BABAM1: variants seen among roughly 807,000 people sequenced by gnomAD.
BABAM1 encodes BRISC and BRCA1 A complex member 1.
In BABAM1, 14 loss-of-function variants were observed where a neutral mutation model predicts 34.4. The ratio of observed to expected loss-of-function variants is 0.41; its 90% CI spans 0.27 to 0.64. The LOEUF (loss-of-function observed/expected upper bound fraction) is 0.64, where lower values mean the gene tolerates loss of function less well. Among genes scored for constraint, BABAM1 ranks in the 30% least tolerant of loss-of-function variants. The pLI is 0.34. For missense variants in BABAM1, 393 were observed against 434.0 expected, an observed-to-expected ratio of 0.91 and a Z score of 0.84; for synonymous variants, 169 against 165.8, an observed-to-expected ratio of 1.02 and a Z score of -0.15.
At position 17,273,885 on chromosome 19, in the gene BABAM1, G is replaced by A. The variant is rs2073876298; in HGVS notation, c.345-19G>A. 3 of 1,588,350 alleles carry A rather than the reference G, an allele frequency of 1.9e-6. No individual in the cohort carries two copies. The highest frequency in any genetic ancestry group is 2.6e-6 in the Non-Finnish European group (3 of 1,167,696). On this transcript the variant is annotated intron_variant, in intron 3 of 8. Coordinates refer to ENST00000598188, the MANE Select transcript of BABAM1 (RefSeq NM_014173.4). ...GCCCTGAGGGAACCTTAATTCCCCT[G>A]TACTCTCTGCCTCCCCAGCTCCAAA...
chr19:17,273,481 C>A (rs530160981), intron 3 of BABAM1, among the ~76,000 whole-genome samples: 1 of 151,588 alleles, frequency 6.6e-6, no homozygotes, highest in Non-Finnish European at 1.5e-5. Context: ...CACACCCCTG[C>A]AGTATGACCT....
At position 17,273,971 on chromosome 19, in the gene BABAM1, A is replaced by G; in HGVS notation, c.412A>G (p.Ile138Val). The G allele has an allele frequency of 6.2e-7, 1 of 1,613,824 alleles. No individual in the cohort carries two copies. Among genetic ancestry groups the G allele is most frequent in the Non-Finnish European group, 8.5e-7 (1 of 1,179,852 alleles). The change falls in exon 4 of 9, where the codon ATC becomes GTC. Residue 138 changes from isoleucine to valine, a missense_variant. By Grantham distance (29) the Ile-to-Val change is conservative (BLOSUM62 3). Coordinates refer to ENST00000598188, the MANE Select transcript of BABAM1 (RefSeq NM_014173.4). ...IEMFVRTKHK[I>V]DKSHEFALVV... ...GATGTTCGTGCGGACAAAACACAAG[A>G]TCGACAAAAGCCACGAGTTTGCACT...
Position 17,279,011 on chromosome 19 carries a change from A to G in BABAM1, c.953A>G (p.Glu318Gly). ...CATGCTTCCTACAGCCTGCTGGAGG[A>G]GGAGGATGAAGCCATTGAGGTTGAG... ...QSHASYSLLE[E>G]EDEAIEVEAT... The change falls in exon 9 of 9, where the codon GAG (glutamate) becomes GGG (glycine). Residue 318 changes from glutamate to glycine, a missense_variant. By Grantham distance (98) the Glu-to-Gly change is moderately conservative. Coordinates refer to ENST00000598188, the MANE Select transcript of BABAM1 (RefSeq NM_014173.4). 1.9e-6 allele frequency: 3 copies of G among 1,612,400 alleles called. No homozygotes were observed. Among genetic ancestry groups the G allele is most frequent in the Non-Finnish European group, 2.5e-6 (3 of 1,179,394 alleles).
rs200435258 is a variant in BABAM1, at chr19:17,276,974, C to G, written c.786+65C>G. 2.9e-3 allele frequency: 4,234 copies of G among 1,447,950 alleles called. 14 individuals carry two copies. The highest frequency in any genetic ancestry group is 6.8e-3 in the South Asian group (558 of 81,618). The allele number at this position is 1,447,950 out of a possible 1,614,324, so 89.7% of individuals were successfully genotyped here. A position where few individuals can be genotyped will look rare whatever the true frequency, so the allele number is the denominator to read the frequency against. On this transcript the variant is annotated intron_variant, in intron 8 of 8. Transcript: ENST00000598188. ...GACAGGATGTCTTGGAACACACCTG[C>G]ACTGGGTCTGGGGGTCTCTACCTCC... is the stretch of plus-strand genomic sequence containing the variant.
intron 8 of BABAM1, among the ~76,000 whole-genome samples, chr19:17,278,552 G>A (rs941568781): frequency 1.3e-5 from 2 of 151,726 alleles, no homozygotes; most frequent in East Asian, 2.0e-4. Flanking sequence ...CTTGTGATCT[G>A]CCCGCCTCAG....
At chr19:17,275,354 G>A (rs1029851240) in intron 5 of BABAM1, among the ~76,000 whole-genome samples, 2 of 151,604 alleles carry the variant, frequency 1.3e-5, no homozygotes, top group African/African-American at 2.4e-5. Flanking sequence ...GCAGTGGCAC[G>A]ATCTTGGCTC....
Position 17,268,862 on chromosome 19 carries a change from A to ACTCGGCAGAGCCTCG in BABAM1, c.57_71dup (p.Ser20_Arg24dup). ...GAAGAGGAGGAGGAGGAAGAGGAGC[A>ACTCGGCAGAGCCTCG]CTCGGCAGAGCCTCGGCCCCGCACT... On this transcript the variant is annotated inframe_insertion, in exon 2 of 9. Transcript: ENST00000598188. 6.2e-7 allele frequency: 1 copy of ACTCGGCAGAGCCTCG among 1,607,916 alleles called. No homozygotes were observed. Among genetic ancestry groups the ACTCGGCAGAGCCTCG allele is most frequent in the Non-Finnish European group, 8.5e-7 (1 of 1,177,508 alleles).
intron 1 of BABAM1, 183 bp from the exon 2 acceptor site, chr19:17,268,611 T>C (rs899048475): frequency 3.5e-6 from 2 of 575,122 alleles, no homozygotes; most frequent in Non-Finnish European, 5.9e-6. Context: ...GTATTTTTAG[T>C]TGAGACGGGG....
At chr19:17,272,450 A>G (rs1401724269) in intron 3 of BABAM1, among the ~76,000 whole-genome samples, 3 of 150,468 alleles carry the variant, frequency 2.0e-5, no homozygotes, top group Non-Finnish European at 3.0e-5. Flanking sequence ...CTGTCGCCCA[A>G]TCTGGAGTGC....
At position 17,276,848 on chromosome 19, in the gene BABAM1, T is replaced by C. The variant is rs762756608; in HGVS notation, c.725T>C (p.Phe242Ser). The C allele has an allele frequency of 1.2e-6, 2 of 1,605,400 alleles. No individual in the cohort carries two copies. The highest frequency in any genetic ancestry group is 1.7e-6 in the Non-Finnish European group (2 of 1,175,960). ...MKKMFQCPYF[F>S]FDVVYIHNGT... is the part of the protein sequence containing the mutation. ...AAAATGTTCCAGTGCCCATATTTCT[T>C]CTTTGACGTTGTTTACATCCACAAT... The change falls in exon 8 of 9, where the codon TTC becomes TCC. Residue 242 changes from phenylalanine to serine, a missense_variant. Physicochemically the swap from Phe to Ser is radical, Grantham distance 155. Coordinates refer to ENST00000598188, the MANE Select transcript of BABAM1 (RefSeq NM_014173.4).
chr19:17,275,324 CTTG>C (rs2073895570), intron 5 of BABAM1, among the ~76,000 whole-genome samples: 1 of 151,256 alleles, frequency 6.6e-6, no homozygotes, highest in African/African-American at 2.4e-5. Context: ...GAGTCTCGCT[CTTG>C]TTGCCCAGGC....
intron 1 of BABAM1, chr19:17,268,427 C>CTTT (rs10715818): frequency 3.1e-5 from 4 of 129,184 alleles, no homozygotes; most frequent in East Asian, 2.1e-4. Context: ...AGTAACCAAT[C>CTTT]TTTTTTTTTT....
chr19:17,275,927 C>G, intron 6 of BABAM1, 102 bp downstream of exon 6: 1 of 1,337,446 alleles, frequency 7.5e-7, no homozygotes, highest in Non-Finnish European at 1.1e-6. Flanking sequence ...AGCCTTAAAG[C>G]CTCCTCCCTT....
In BABAM1 at chr19:17,268,854, AGAG is replaced by A. The variant is rs1403333464; in HGVS notation, c.52_54del (p.Glu18del). On this transcript the variant is annotated inframe_deletion, in exon 2 of 9. Coordinates refer to ENST00000598188, the MANE Select transcript of BABAM1 (RefSeq NM_014173.4). ...GCCCCACTGAAGAGGAGGAGGAGGA[AGAG>A]GAGCACTCGGCAGAGCCTCGGCCCC... 1.0e-4 allele frequency: 165 copies of A among 1,609,868 alleles called. 1 individual carries two copies. Among genetic ancestry groups the A allele is most frequent in the Non-Finnish European group, 1.3e-4 (153 of 1,178,356 alleles).
intron 3 of BABAM1, among the ~76,000 whole-genome samples, chr19:17,272,086 A>G (rs2073847764): frequency 6.6e-6 from 1 of 151,992 alleles, no homozygotes; most frequent in Non-Finnish European, 1.5e-5. Flanking sequence ...GATTATAGGC[A>G]TGCACCACCA....
At position 17,271,929 on chromosome 19, in the gene BABAM1, G is replaced by GTGTA. The variant is rs1273112569; in HGVS notation, c.344+288_344+291dup. ...AAAAAAATAAAATATATATATGTAT[G>GTGTA]TGTATGTATGTATGTATTTATTTAT... On this transcript the variant is annotated intron_variant, in intron 3 of 8. Coordinates refer to ENST00000598188, the MANE Select transcript of BABAM1 (RefSeq NM_014173.4). Among the ~76,000 whole-genome samples the GTGTA allele has an allele frequency of 2.0e-5, 3 of 152,070 alleles. No homozygotes were observed. In the East Asian group the frequency reaches 5.8e-4, roughly 29 times the overall value.
Position 17,279,027 on chromosome 19 carries a change from T to C in BABAM1, c.969T>C (p.Ile323=), listed in dbSNP as rs1369004687. 1 of 1,611,820 alleles carries C rather than the reference T, an allele frequency of 6.2e-7. No homozygotes were observed. The highest frequency in any genetic ancestry group is 1.1e-5 in the South Asian group (1 of 90,622). Residue 323 remains isoleucine (I), a synonymous_variant, in exon 9 of 9, where the codon ATT becomes ATC. Coordinates refer to ENST00000598188, the MANE Select transcript of BABAM1 (RefSeq NM_014173.4). The stretch of plus-strand genomic sequence containing the variant: ...TGCTGGAGGAGGAGGATGAAGCCAT[T>C]GAGGTTGAGGCCACTGTCTGAACCA... The part of the protein sequence containing the change: ...YSLLEEEDEA[I]EVEATV
chr19:17,269,220 G>C, intron 2 of BABAM1, 129 bp downstream of exon 2: 1 of 1,199,364 alleles, frequency 8.3e-7, no homozygotes, highest in Non-Finnish European at 1.1e-6. Flanking sequence ...CGTGGACTTG[G>C]TAGCTTTCAA....
At chr19:17,269,145 G>C (rs746871573) in intron 2 of BABAM1, 54 bp downstream of exon 2, 2 of 1,489,296 alleles carry the variant, frequency 1.3e-6, no homozygotes, top group Non-Finnish European at 1.8e-6. Context: ...CTAGCATCTT[G>C]TCTTTTGGGA....
Sources: allele counts gnomAD v4.1 joint callset (sites outside exome capture counted in the v4.1 genomes callset), GRCh38; gene constraint gnomAD v4.1.1; transcripts MANE v1.5; gene names NCBI Gene and HGNC (gene_info 2026-07-23, HGNC 2026-07-21).